NELL1: variants seen among roughly 807,000 people sequenced by gnomAD.
NELL1 encodes neural EGFL like 1.
NELL1 carries 76 observed loss-of-function variants against 107.4 expected under a neutral mutation model. That is an observed-to-expected ratio of 0.71 (90% CI 0.59 to 0.86). NELL1 has a LOEUF of 0.86. Among genes scored for constraint, NELL1 ranks in the 40% least tolerant of loss-of-function variants. NELL1 has a pLI of 0.00. For missense variants in NELL1, 1,024 were observed against 1,005.5 expected (o/e 1.02, Z -0.25); for synonymous variants, 353 against 341.2 (o/e 1.03, Z -0.38).
chr11:20,713,269 GA>G (rs1855156895), intron 2 of NELL1, among the ~76,000 whole-genome samples: 1 of 152,148 alleles, frequency 6.6e-6, no homozygotes, highest in African/African-American at 2.4e-5. Flanking sequence ...GGTTGGTAGA[GA>G]AATACCATCA....
intron 12 of NELL1, among the ~76,000 whole-genome samples, chr11:21,037,984 A>G (rs957369676): frequency 6.6e-6 from 1 of 152,192 alleles, no homozygotes; most frequent in African/African-American, 2.4e-5. Context: ...GTTGGTTGTT[A>G]AATAACAGAA....
At chr11:21,010,946 T>G (rs533560633) in intron 12 of NELL1, among the ~76,000 whole-genome samples, 18 of 152,234 alleles carry the variant, frequency 1.2e-4, no homozygotes, top group Admixed American at 3.9e-4. Flanking sequence ...TTAGACTTCC[T>G]TCTGCTTAGT....
At chr11:21,163,154 G>A (rs1856409204) in intron 13 of NELL1, among the ~76,000 whole-genome samples, 1 of 152,098 alleles carries the variant, frequency 6.6e-6, no homozygotes, top group South Asian at 2.1e-4. Context: ...GAATGTTAGG[G>A]TAATTTCAAG....
At chr11:20,780,502 G>T (rs1477253518) in intron 2 of NELL1, among the ~76,000 whole-genome samples, 2 of 152,154 alleles carry the variant, frequency 1.3e-5, no homozygotes, top group Non-Finnish European at 2.9e-5. Context: ...AAGAATTGTG[G>T]ATAAAACAAT....
At chr11:21,066,931 G>A (rs927809710) in intron 12 of NELL1, among the ~76,000 whole-genome samples, 1 of 151,752 alleles carries the variant, frequency 6.6e-6, no homozygotes, top group African/African-American at 2.4e-5. Flanking sequence ...TCCAGCCTGA[G>A]CGACAGAGCG....
At chr11:20,915,873 G>A (rs965249938) in intron 5 of NELL1, among the ~76,000 whole-genome samples, 1 of 150,880 alleles carries the variant, frequency 6.6e-6, no homozygotes, top group Non-Finnish European at 1.5e-5. Flanking sequence ...TGTCCATATA[G>A]CAATTTAATG....
chr11:20,890,487 C>T (rs1272137448), intron 5 of NELL1, among the ~76,000 whole-genome samples: 2 of 152,068 alleles, frequency 1.3e-5, no homozygotes, highest in Non-Finnish European at 2.9e-5. Context: ...CCATCAAGGG[C>T]ACAGAACTGG....
chr11:20,879,588 T>C (rs2134098664), intron 4 of NELL1, among the ~76,000 whole-genome samples: 1 of 152,244 alleles, frequency 6.6e-6, no homozygotes, highest in South Asian at 2.1e-4. Context: ...CAGGTGTGTG[T>C]GTGGGTGTCA....
At chr11:21,199,951 C>T (rs1590726925) in intron 13 of NELL1, among the ~76,000 whole-genome samples, 1 of 152,278 alleles carries the variant, frequency 6.6e-6, no homozygotes, top group East Asian at 1.9e-4. Context: ...ACAGCTTCAT[C>T]CATGTCCCTG....
intron 5 of NELL1, among the ~76,000 whole-genome samples, chr11:20,889,629 A>G (rs552356701): frequency 1.3e-5 from 2 of 152,332 alleles, no homozygotes; most frequent in East Asian, 3.9e-4. Flanking sequence ...TAGAAAAATA[A>G]TATTAAAAAT....
intron 17 of NELL1, 67 bp from the exon 18 acceptor site, chr11:21,570,697 T>C: frequency 1.3e-6 from 2 of 1,499,578 alleles, no homozygotes; most frequent in East Asian, 4.6e-5. Flanking sequence ...AAGAAGTTCA[T>C]TTCTCTTAGT....
At chr11:20,958,539 A>G (rs1458410492) in intron 11 of NELL1, among the ~76,000 whole-genome samples, 2 of 152,196 alleles carry the variant, frequency 1.3e-5, no homozygotes, top group African/African-American at 2.4e-5. Flanking sequence ...GCAATAATAG[A>G]AGCCAGAAAA....
At chr11:21,518,683 A>G (rs777452809) in intron 15 of NELL1, among the ~76,000 whole-genome samples, 4 of 152,198 alleles carry the variant, frequency 2.6e-5, no homozygotes, top group Non-Finnish European at 5.9e-5. Context: ...CCAGGCTTGT[A>G]GTTTGGTGGG....
intron 15 of NELL1, among the ~76,000 whole-genome samples, chr11:21,534,058 A>G (rs1375893516): frequency 1.3e-5 from 2 of 152,190 alleles, no homozygotes; most frequent in Non-Finnish European, 2.9e-5. Context: ...AAAAAGTCAT[A>G]TACACCCAAT....
intron 3 of NELL1, among the ~76,000 whole-genome samples, chr11:20,785,170 A>G (rs527300808): frequency 6.6e-6 from 1 of 152,308 alleles, no homozygotes; most frequent in East Asian, 1.9e-4. Context: ...AAACAGACCA[A>G]TTTGGCTGGA....
At chr11:20,673,788 G>A (rs1853979739) in intron 1 of NELL1, among the ~76,000 whole-genome samples, 1 of 151,918 alleles carries the variant, frequency 6.6e-6, no homozygotes, top group Admixed American at 6.6e-5. Context: ...CTTTAATTGA[G>A]TTTCCTAGGA....
intron 12 of NELL1, among the ~76,000 whole-genome samples, chr11:21,023,856 A>G (rs1363096101): frequency 6.6e-6 from 1 of 152,128 alleles, no homozygotes; most frequent in Non-Finnish European, 1.5e-5. Context: ...GCTCATTTGA[A>G]TCAATGGGTT....
At chr11:20,863,348 G>A (rs1293684180) in intron 4 of NELL1, among the ~76,000 whole-genome samples, 6 of 57,760 alleles carry the variant, frequency 1.0e-4, no homozygotes, top group South Asian at 1.2e-3. Flanking sequence ...CGGACGGGGC[G>A]GCTGGCCGGG....
At chr11:21,265,702 C>A (rs1025070033) in intron 14 of NELL1, among the ~76,000 whole-genome samples, 2 of 152,074 alleles carry the variant, frequency 1.3e-5, no homozygotes, top group East Asian at 3.9e-4. Flanking sequence ...TGCATTAAGG[C>A]AAATCTTTGG....
Sources: allele counts gnomAD v4.1 joint callset (sites outside exome capture counted in the v4.1 genomes callset), GRCh38; gene constraint gnomAD v4.1.1; transcripts MANE v1.5; gene names NCBI Gene and HGNC (gene_info 2026-07-23, HGNC 2026-07-21).